The following COBL variants were observed in gnomAD, a reference collection of about 807,000 sequenced individuals.
COBL encodes cordon-bleu WH2 repeat protein, also known as protein cordon-bleu.
Under a neutral mutation model 98.8 loss-of-function variants are expected in COBL, and 51 were observed. That is an observed-to-expected ratio of 0.52 (90% CI 0.41 to 0.65). The LOEUF (loss-of-function observed/expected upper bound fraction) is 0.65. Ranked by LOEUF, COBL falls within the 30% of genes least tolerant of loss-of-function variation. The pLI, the probability that COBL is intolerant of heterozygous loss-of-function variation, is 0.00. For synonymous variants in COBL, 634 were observed against 651.7 expected (o/e 0.97, Z 0.41); for missense variants, 1,617 against 1,617.5 (o/e 1.00, Z 0.01).
At chr7:51,051,124 T>A (rs1454798934) in intron 7 of COBL, among the ~76,000 whole-genome samples, 2 of 152,214 alleles carry the variant, frequency 1.3e-5, no homozygotes, top group Non-Finnish European at 2.9e-5. Context: ...TTACTTGTTA[T>A]CCTTGACTAC....
intron 5 of COBL, among the ~76,000 whole-genome samples, chr7:51,149,942 G>A (rs548339259): frequency 1.3e-5 from 2 of 152,258 alleles, no homozygotes; most frequent in East Asian, 3.9e-4. Flanking sequence ...TCTAAAATAA[G>A]AATACAAAAA....
chr7:51,210,789 G>C (rs79053672), intron 2 of COBL, among the ~76,000 whole-genome samples: 4,782 of 152,278 alleles, frequency 0.031, 215 homozygotes, highest in South Asian at 0.15. Flanking sequence ...AGGTGTGAGG[G>C]AATGCCGTTT....
intron 5 of COBL, among the ~76,000 whole-genome samples, chr7:51,178,011 T>C (rs1483482427): frequency 6.6e-6 from 1 of 151,850 alleles, no homozygotes; most frequent in East Asian, 1.9e-4. Flanking sequence ...CTGGGCATGG[T>C]GGTTCGTGCC....
At chr7:51,091,221 C>A (rs777475310) in intron 6 of COBL, among the ~76,000 whole-genome samples, 2 of 151,840 alleles carry the variant, frequency 1.3e-5, no homozygotes, top group Non-Finnish European at 1.5e-5. Flanking sequence ...AATCTATGGC[C>A]AGAAAAGACA....
At chr7:51,026,065 C>A (rs149121584) in intron 11 of COBL, among the ~76,000 whole-genome samples, 10 of 152,350 alleles carry the variant, frequency 6.6e-5, no homozygotes, top group African/African-American at 2.4e-4. Flanking sequence ...ATGTACAAAT[C>A]ACATTGCTCC....
intron 7 of COBL, among the ~76,000 whole-genome samples, chr7:51,056,705 GTTCT>G (rs1005092876): frequency 7.2e-5 from 11 of 152,082 alleles, no homozygotes; most frequent in Non-Finnish European, 1.5e-4. Flanking sequence ...TCCAAGATGA[GTTCT>G]CTTCTGAGTA....
intron 4 of COBL, among the ~76,000 whole-genome samples, chr7:51,187,192 G>T (rs1442503247): frequency 1.3e-5 from 2 of 151,948 alleles, no homozygotes; most frequent in African/African-American, 4.8e-5. Flanking sequence ...TCTAGAGGAG[G>T]AGACTCAGTG....
At chr7:51,220,253 C>T (rs1033939124) in intron 1 of COBL, among the ~76,000 whole-genome samples, 1 of 152,116 alleles carries the variant, frequency 6.6e-6, no homozygotes, top group African/African-American at 2.4e-5. Context: ...TTCGCCCGAC[C>T]CTTTCTGAAT....
chr7:51,262,012 C>G (rs1797766683), intron 1 of COBL, among the ~76,000 whole-genome samples: 1 of 152,216 alleles, frequency 6.6e-6, no homozygotes, highest in African/African-American at 2.4e-5. Context: ...ACCCTCTGGG[C>G]AGGCAAGTCC....
intron 1 of COBL, among the ~76,000 whole-genome samples, chr7:51,315,818 G>A (rs1803512163): frequency 6.6e-6 from 1 of 152,210 alleles, no homozygotes; most frequent in Non-Finnish European, 1.5e-5. Flanking sequence ...TGAATGTGAC[G>A]TGTAATCCCT....
intron 1 of COBL, among the ~76,000 whole-genome samples, chr7:51,267,838 T>A (rs1243557907): frequency 6.6e-6 from 1 of 152,150 alleles, no homozygotes; most frequent in Non-Finnish European, 1.5e-5. Context: ...CCTCCCAAAG[T>A]GCTGGGATTA....
chr7:51,180,789 G>A (rs1269250937), intron 5 of COBL, among the ~76,000 whole-genome samples: 2 of 152,222 alleles, frequency 1.3e-5, no homozygotes, highest in Admixed American at 1.3e-4. Context: ...GAAGCAGGAT[G>A]TAATGTTCTG....
At chr7:51,072,231 C>T (rs1449131856) in intron 7 of COBL, 1 of 151,924 alleles carries the variant, frequency 6.6e-6, no homozygotes, top group African/African-American at 2.4e-5. Flanking sequence ...TCAAATGCAT[C>T]TGCATAATAA....
intron 1 of COBL, among the ~76,000 whole-genome samples, chr7:51,283,597 G>A (rs530859829): frequency 6.6e-6 from 1 of 152,108 alleles, no homozygotes; most frequent in Non-Finnish European, 1.5e-5. Context: ...CAATTCTCCT[G>A]CCTCAGCCTC....
intron 7 of COBL, among the ~76,000 whole-genome samples, chr7:51,065,761 C>G (rs372129621): frequency 3.9e-5 from 6 of 152,338 alleles, no homozygotes; most frequent in African/African-American, 1.4e-4. Context: ...ATGTTGAAGT[C>G]GGAACCTCCA....
rs764355253 is a variant in COBL at position 51,061,525 on chromosome 7, T to C, written c.1097-17833A>G. On this transcript the variant is annotated intron_variant, in intron 7 of 12. Transcript: ENST00000265136. ...CTTTCTCTGGAGAAAAAGACATGCA[T>C]ATAGGGGGCGAGTTGGCAAGGGGTG... 2.6e-5 allele frequency among the ~76,000 whole-genome samples: 4 copies of C among 151,998 alleles called. No homozygotes were observed. The South Asian group carries it at 6.2e-4, about 24-fold the overall frequency.
At chr7:51,242,420 T>C (rs552524785) in intron 1 of COBL, among the ~76,000 whole-genome samples, 1 of 152,314 alleles carries the variant, frequency 6.6e-6, no homozygotes, top group Non-Finnish European at 1.5e-5. Flanking sequence ...CTTGCTTTGT[T>C]TGTGCATTTT....
chr7:51,037,322 G>A (rs1788743573), intron 8 of COBL, among the ~76,000 whole-genome samples: 1 of 152,194 alleles, frequency 6.6e-6, no homozygotes, highest in Non-Finnish European at 1.5e-5. Context: ...TAAGGAGGAG[G>A]TAGTGCATAT....
chr7:51,175,466 T>G (rs1788278096), intron 5 of COBL, among the ~76,000 whole-genome samples: 1 of 152,226 alleles, frequency 6.6e-6, no homozygotes, highest in Non-Finnish European at 1.5e-5. Context: ...GATGTAAATC[T>G]TACCATGTCT....
Sources: gnomAD v4.1 joint callset for allele counts (sites outside exome capture counted in the v4.1 genomes callset) on GRCh38, gnomAD v4.1.1 for gene constraint, MANE v1.5 for transcripts, NCBI Gene and HGNC (gene_info 2026-07-23, HGNC 2026-07-21) for gene names.